RFPL1: variants seen among roughly 807,000 people sequenced by gnomAD.
RFPL1 encodes ret finger protein-like 1.
A neutral mutation model predicts 9.6 loss-of-function variants in RFPL1; 6 were observed. The ratio of observed to expected loss-of-function variants is 0.62; its 90% confidence interval spans 0.34 to 1.23. The LOEUF (loss-of-function observed/expected upper bound fraction) is 1.23. Among genes scored for constraint, RFPL1 ranks in the 50% most tolerant of loss-of-function variants. The pLI, the probability that RFPL1 is intolerant of heterozygous loss-of-function variation, is 0.03. For synonymous variants in RFPL1, 145 were observed against 149.4 expected (o/e 0.97, Z 0.22); for missense variants, 352 against 398.4 (o/e 0.88, Z 0.99).
the RFPL1 span, among the ~76,000 whole-genome samples, chr22:29,400,468 C>G: frequency 2.6e-5 from 4 of 152,204 alleles, no homozygotes; most frequent in African/African-American, 4.8e-5. Context: ...GATTTTGTAT[C>G]AGTCCGAAGC....
chr22:29,406,433 T>C, the RFPL1 span, among the ~76,000 whole-genome samples: 1 of 152,042 alleles, frequency 6.6e-6, no homozygotes, highest in African/African-American at 2.4e-5. Flanking sequence ...TTCCCACATC[T>C]CAGAATAGGG....
the RFPL1 span, among the ~76,000 whole-genome samples, chr22:29,425,571 T>C: frequency 6.6e-6 from 1 of 152,056 alleles, no homozygotes; most frequent in Non-Finnish European, 1.5e-5. Flanking sequence ...CTCATAGAAA[T>C]GAAATGCAAA....
At chr22:29,425,466 T>A in the RFPL1 span, among the ~76,000 whole-genome samples, 1 of 152,222 alleles carries the variant, frequency 6.6e-6, no homozygotes, top group African/African-American at 2.4e-5. Flanking sequence ...AGTTTCTGCC[T>A]TGCAAGGAAA....
At chr22:29,402,072 C>T in the RFPL1 span, among the ~76,000 whole-genome samples, 1 of 152,176 alleles carries the variant, frequency 6.6e-6, no homozygotes, top group Non-Finnish European at 1.5e-5. Flanking sequence ...TCTACAAGGT[C>T]ACTGCCCCTC....
At chr22:29,433,780 G>T (rs1167921169), upstream of RFPL1, among the ~76,000 whole-genome samples, 1 of 152,096 alleles carries the variant, frequency 6.6e-6, no homozygotes, top group Non-Finnish European at 1.5e-5. Context: ...GCCCAATATG[G>T]TAGCCACCAG....
chr22:29,392,666 A>G, the RFPL1 span, among the ~76,000 whole-genome samples: 1 of 152,178 alleles, frequency 6.6e-6, no homozygotes, highest in Non-Finnish European at 1.5e-5. Context: ...GGCATGAGCC[A>G]ACACACACGG....
At chr22:29,396,085 G>C in the RFPL1 span, among the ~76,000 whole-genome samples, 451 of 152,264 alleles carry the variant, frequency 3.0e-3, 1 homozygote, top group Middle Eastern at 0.01. Flanking sequence ...AGAGAAAAGA[G>C]AAGAGAAGAG....
chr22:29,433,863 AAT>A (rs2062795954), upstream of RFPL1, among the ~76,000 whole-genome samples: 1 of 152,264 alleles, frequency 6.6e-6, no homozygotes, highest in Non-Finnish European at 1.5e-5. Flanking sequence ...ACAAGCTTAT[AAT>A]ATGTTATTTA....
chr22:29,432,034 C>T, the RFPL1 span, among the ~76,000 whole-genome samples: 2 of 152,090 alleles, frequency 1.3e-5, no homozygotes, highest in Non-Finnish European at 1.5e-5. Flanking sequence ...TTTCTCATAC[C>T]TCTTCAAAAT....
chr22:29,442,083 C>A (rs2062843582), exon 2 of RFPL1: 1 of 1,596,614 alleles, frequency 6.3e-7, no homozygotes, highest in African/African-American at 1.3e-5. Context: ...TAAACCCGGG[C>A]ACTACTGATG....
chr22:29,395,664 C>T, the RFPL1 span, among the ~76,000 whole-genome samples: 1,140 of 152,256 alleles, frequency 7.5e-3, 6 homozygotes, highest in Non-Finnish European at 0.011. Context: ...TACCCTCCGC[C>T]GATGCATCGA....
chr22:29,426,937 AG>A, the RFPL1 span, among the ~76,000 whole-genome samples: 1 of 152,176 alleles, frequency 6.6e-6, no homozygotes, highest in Non-Finnish European at 1.5e-5. Flanking sequence ...GCCATTGAGA[AG>A]GTGGAGACGA....
chr22:29,431,195 C>A, the RFPL1 span, among the ~76,000 whole-genome samples: 2 of 152,148 alleles, frequency 1.3e-5, no homozygotes, highest in African/African-American at 4.8e-5. Context: ...TGTAGTTTTT[C>A]TCGACTTACT....
the RFPL1 span, among the ~76,000 whole-genome samples, chr22:29,410,450 A>AGATATATATATG: frequency 2.9e-3 from 250 of 87,094 alleles, 10 homozygotes; most frequent in African/African-American, 0.015. Context: ...ATATCTATAT[A>AGATATATATATG]TAGATATATA....
At chr22:29,429,254 C>T in the RFPL1 span, among the ~76,000 whole-genome samples, 8 of 152,104 alleles carry the variant, frequency 5.3e-5, no homozygotes, top group African/African-American at 1.9e-4. Context: ...GAGGGTCTTA[C>T]TATGTTGCCC....
the RFPL1 span, among the ~76,000 whole-genome samples, chr22:29,421,561 T>C: frequency 3.3e-5 from 5 of 150,288 alleles, no homozygotes; most frequent in East Asian, 3.9e-4. Context: ...CTTTTTTCAA[T>C]TAGTTGCCCA....
the RFPL1 span, among the ~76,000 whole-genome samples, chr22:29,396,696 C>A: frequency 2.6e-5 from 4 of 152,166 alleles, no homozygotes; most frequent in African/African-American, 9.6e-5. Flanking sequence ...TCAGGCTGGT[C>A]TCGAACTCCT....
At chr22:29,420,482 C>G in the RFPL1 span, among the ~76,000 whole-genome samples, 1 of 152,000 alleles carries the variant, frequency 6.6e-6, no homozygotes, top group Admixed American at 6.6e-5. Context: ...AGGCACGTGC[C>G]GTCATGCCTG....
chr22:29,427,130 C>A, the RFPL1 span, among the ~76,000 whole-genome samples: 1 of 152,218 alleles, frequency 6.6e-6, no homozygotes, highest in Non-Finnish European at 1.5e-5. Flanking sequence ...TCTGTCCAGG[C>A]CTGGCCTGGC....
Sources: allele counts gnomAD v4.1 joint callset (sites outside exome capture counted in the v4.1 genomes callset), GRCh38; gene constraint gnomAD v4.1.1; transcripts MANE v1.5; gene names NCBI Gene and HGNC (gene_info 2026-07-23, HGNC 2026-07-21).